TMEM209: variants seen among roughly 807,000 people sequenced by gnomAD.
The protein encoded by TMEM209 is transmembrane protein 209.
TMEM209 carries 65 observed loss-of-function variants against 76.2 expected under a neutral mutation model. That is an observed-to-expected ratio of 0.85 (90% confidence interval 0.70 to 1.05). The LOEUF is 1.05. Among genes scored for constraint, TMEM209 ranks in the 50% least tolerant of loss-of-function variants. The pLI, the probability that TMEM209 is intolerant of heterozygous loss-of-function variation, is 0.00. For missense variants in TMEM209, 623 were observed against 685.5 expected (o/e 0.91, Z 1.02); for synonymous variants, 239 against 237.6 (o/e 1.01, Z -0.06).
chr7:130,190,266 C>G (rs1243657962), intron 6 of TMEM209, among the ~76,000 whole-genome samples: 1 of 152,128 alleles, frequency 6.6e-6, no homozygotes, highest in Non-Finnish European at 1.5e-5. Context: ...GGCTGTAATT[C>G]CCAGCACTTT....
In TMEM209 at chr7:130,178,386, TCAAA is replaced by T. The variant is rs1375550762; in HGVS notation, c.1246+12_1246+15del. On this transcript the variant is annotated intron_variant, in intron 10 of 14. Transcript: ENST00000397622. ...TAAAAAAGCTCTTATTTTTTTCTCT[TCAAA>T]TCAATAATTACCTTTGATCCTTTCA... 1 of 1,585,148 alleles carries T rather than the reference TCAAA, an allele frequency of 6.3e-7. No individual in the cohort carries two copies. The highest frequency in any genetic ancestry group is 8.6e-7 in the Non-Finnish European group (1 of 1,164,608).
chr7:130,197,470 G>T (rs932078450), intron 5 of TMEM209, among the ~76,000 whole-genome samples: 1 of 152,170 alleles, frequency 6.6e-6, no homozygotes, highest in African/African-American at 2.4e-5. Context: ...GGTGGAAAAA[G>T]AGAGTTAATT....
rs1410158100 is a variant in TMEM209, at chr7:130,205,368, C to T, written c.3+5G>A. 5.0e-6 allele frequency: 8 copies of T among 1,613,944 alleles called. No homozygotes were observed. Among genetic ancestry groups the T allele is most frequent in the Non-Finnish European group, 6.8e-6 (8 of 1,179,898 alleles). ...GGAAGCACAAACACGACCCCGAAAA[C>T]GCACCATGTCCTCTGGCCGGAAAAC... On this transcript the variant is annotated splice_donor_5th_base_variant and intron_variant, in intron 1 of 14. Coordinates refer to ENST00000397622, the MANE Select transcript of TMEM209 (RefSeq NM_032842.4).
At chr7:130,191,676 C>T (rs1562894787) in intron 6 of TMEM209, among the ~76,000 whole-genome samples, 1 of 152,062 alleles carries the variant, frequency 6.6e-6, no homozygotes, top group Non-Finnish European at 1.5e-5. Flanking sequence ...AAAAGCAACA[C>T]CAATAACACT....
At chr7:130,177,028 CAAAA>C (rs5887463) in intron 10 of TMEM209, among the ~76,000 whole-genome samples, 15 of 117,512 alleles carry the variant, frequency 1.3e-4, no homozygotes, top group Non-Finnish European at 1.0e-4. Flanking sequence ...AGCCGGGTCT[CAAAA>C]AAAAAAAAAA....
Position 130,190,517 on chromosome 7 carries a change from T to G in TMEM209, c.775+2105A>C, listed in dbSNP as rs563142134. On this transcript the variant is annotated intron_variant, in intron 6 of 14. Transcript: ENST00000397622. ...TGGGCGACAGAGCCAAGACTCCATC[T>G]CAAAAAAAGAAAAAAAAAAGGCTAA... 6.6e-5 allele frequency among the ~76,000 whole-genome samples: 9 copies of G among 136,636 alleles called. No homozygotes were observed. The East Asian group carries it at 1.9e-3, about 29-fold the overall frequency. 89.6% of individuals were successfully genotyped at this position (136,636 alleles called of 152,430 possible).
At chr7:130,205,179 C>T in intron 1 of TMEM209, 194 bp downstream of exon 1, 5 of 1,500,826 alleles carry the variant, frequency 3.3e-6, no homozygotes, top group Non-Finnish European at 4.4e-6. Context: ...ATTTCCCAGT[C>T]CAGAGCTTCC....
intron 6 of TMEM209, among the ~76,000 whole-genome samples, chr7:130,188,382 G>C (rs1797674234): frequency 6.6e-6 from 1 of 152,040 alleles, no homozygotes; most frequent in Admixed American, 6.6e-5. Flanking sequence ...GGATCACAAG[G>C]TCAGGAGATC....
At chr7:130,179,077 C>T (rs774066342) in intron 9 of TMEM209, among the ~76,000 whole-genome samples, 4 of 152,130 alleles carry the variant, frequency 2.6e-5, no homozygotes, top group African/African-American at 4.8e-5. Context: ...TGTTAGCCAT[C>T]GTGCCTGGCC....
Position 130,184,209 on chromosome 7 carries a change from T to C in TMEM209, c.998A>G (p.Asp333Gly). 6.2e-7 allele frequency: 1 copy of C among 1,607,776 alleles called. No homozygotes were observed. The change falls in exon 8 of 15, where the codon GAT (aspartate) becomes GGT (glycine). Residue 333 changes from aspartate to glycine, a missense_variant. Asp to Gly is a moderately conservative substitution (Grantham distance 94). Coordinates refer to ENST00000397622, the MANE Select transcript of TMEM209 (RefSeq NM_032842.4). ...AMNRQLLDHM[D>G]SWTAKFRNWI... Reference sequence around the variant, plus strand: ...ATTTCTAAATTTAGCTGTCCATGAATCCATATGATCAAGAAGTTGTCTATT... The same window carrying C: ...ATTTCTAAATTTAGCTGTCCATGAACCCATATGATCAAGAAGTTGTCTATT...
In TMEM209 at chr7:130,166,169, C is replaced by A; in HGVS notation, c.*282G>T. ...AAATCTATTTCATTAAGGGGAATGG[C>A]ACTATTTTGAGTCAATAAAAATCCG... On this transcript the variant is annotated 3_prime_UTR_variant, in exon 15 of 15. Transcript: ENST00000397622. The A allele has an allele frequency of 3.9e-6, 1 of 259,456 alleles. No individual in the cohort carries two copies. Among genetic ancestry groups the A allele is most frequent in the Non-Finnish European group, 7.2e-6 (1 of 138,888 alleles). The allele number at this position is 259,456 out of a possible 1,614,324, so 16.1% of individuals were successfully genotyped here.
intron 9 of TMEM209, among the ~76,000 whole-genome samples, chr7:130,181,410 C>G (rs73146705): frequency 0.15 from 22,566 of 152,142 alleles, 2,283 homozygotes; most frequent in Middle Eastern, 0.23. Flanking sequence ...TAACCCAAGA[C>G]TTTGGACTGT....
At chr7:130,190,505 C>A (rs1797757551) in intron 6 of TMEM209, among the ~76,000 whole-genome samples, 1 of 144,098 alleles carries the variant, frequency 6.9e-6, no homozygotes, top group South Asian at 2.2e-4. Flanking sequence ...GCGACAGAGC[C>A]AAGACTCCAT....
rs530598620 is a variant in TMEM209 at position 130,193,827 on chromosome 7, C to CCT, written c.574-1005_574-1004insAG. Among the ~76,000 whole-genome samples the CCT allele has an allele frequency of 1.9e-4, 29 of 152,158 alleles. No individual in the cohort carries two copies. In the South Asian group the frequency reaches 5.8e-3, roughly 31 times the overall value. ...TCCAAACCCATAGAACGTACAACAC[C>CCT]AAGAGTGAACCCTAATGTAAACTAT... is the stretch of plus-strand genomic sequence containing the variant. On this transcript the variant is annotated intron_variant, in intron 5 of 14. Transcript: ENST00000397622.
intron 13 of TMEM209, among the ~76,000 whole-genome samples, chr7:130,172,039 A>G (rs1182381683): frequency 6.6e-6 from 1 of 152,076 alleles, no homozygotes; most frequent in Non-Finnish European, 1.5e-5. Flanking sequence ...TCTCAAAAAA[A>G]GAGTAAAAAA....
At chr7:130,204,538 C>G (rs1798357459) in intron 1 of TMEM209, among the ~76,000 whole-genome samples, 1 of 152,160 alleles carries the variant, frequency 6.6e-6, no homozygotes, top group African/African-American at 2.4e-5. Context: ...GACGGGATTT[C>G]AACATTTTGG....
chr7:130,173,752 G>A, intron 12 of TMEM209, 23 bp from the exon 13 acceptor site: 5 of 1,609,646 alleles, frequency 3.1e-6, no homozygotes, highest in Non-Finnish European at 4.3e-6. Flanking sequence ...GCAATATGCT[G>A]CATTAAAAAA....
intron 6 of TMEM209, among the ~76,000 whole-genome samples, chr7:130,188,465 A>G (rs2727835): frequency 0.27 from 40,201 of 151,432 alleles, 6,288 homozygotes; most frequent in East Asian, 0.59. Flanking sequence ...GCGTGGTGGC[A>G]GGCACCTGTA....
In TMEM209 at chr7:130,175,566, T is replaced by C; in HGVS notation, c.1290A>G (p.Arg430=). Residue 430 remains arginine (R), a synonymous_variant, in exon 11 of 15, where the codon AGA becomes AGG. Transcript: ENST00000397622. ...GGCMSSFRWN[R]GGDFKGRKWD... The stretch of plus-strand genomic sequence containing the variant: ...ACTTTCGTCCTTTGAAGTCGCCACC[T>C]CTGTTCCATCGAAATGAGCTCATAC... The C allele has an allele frequency of 6.2e-7, 1 of 1,613,368 alleles. No homozygotes were observed. The highest frequency in any genetic ancestry group is 8.5e-7 in the Non-Finnish European group (1 of 1,179,712).
Sources: gnomAD v4.1 joint callset for allele counts (sites outside exome capture counted in the v4.1 genomes callset) on GRCh38, gnomAD v4.1.1 for gene constraint, MANE v1.5 for transcripts, NCBI Gene and HGNC (gene_info 2026-07-23, HGNC 2026-07-21) for gene names.